Variants in PLCE1 observed in about 807,000 individuals in gnomAD.
The protein encoded by PLCE1 is phospholipase C epsilon 1.
Under a neutral mutation model 242.8 loss-of-function variants are expected in PLCE1, and 119 were observed. The ratio of observed to expected loss-of-function variants is 0.49; its 90% CI spans 0.42 to 0.57. The LOEUF (loss-of-function observed/expected upper bound fraction) is 0.57. Among genes scored for constraint, PLCE1 ranks in the 20% least tolerant of loss-of-function variants. The probability of loss-of-function intolerance (pLI) is 0.00; values close to 1 mark genes in which losing one functional copy is unlikely to be tolerated. For synonymous variants in PLCE1, 945 were observed against 1,017.4 expected, an observed-to-expected ratio of 0.93 and a Z score of 1.35; for missense variants, 2,441 against 2,788.8, an observed-to-expected ratio of 0.88 and a Z score of 2.81.
Position 94,132,184 on chromosome 10 carries a change from C to A in PLCE1, c.1217C>A (p.Ala406Glu). 1 of 1,613,924 alleles carries A rather than the reference C, an allele frequency of 6.2e-7. No homozygotes were observed. Among genetic ancestry groups the A allele is most frequent in the Admixed American group, 1.7e-5 (1 of 60,030 alleles). Reference protein sequence around the residue: ...SEAQWYPIYNAVRREETENTV... With the variant: ...SEAQWYPIYNEVRREETENTV... ...TTGTGCTATTCACAGATCTACAATG[C>A]AGTGAGAAGAGAAGAAACAGAAAAT... The change falls in exon 3 of 33, where the codon GCA becomes GAA. Residue 406 changes from alanine to glutamate, a missense_variant. By Grantham distance (107) the Ala-to-Glu change is moderately radical (BLOSUM62 -1). This residue lies in a region of PLCE1 where 733 missense variants were observed against 754.2 expected (regional missense o/e 0.97). Coordinates refer to ENST00000371380, the MANE Select transcript of PLCE1 (RefSeq NM_016341.4).
Position 94,246,419 on chromosome 10 carries a change from T to A in PLCE1, c.2894T>A (p.Met965Lys). Residue 965 changes from methionine to lysine, a missense_variant, in exon 8 of 33, where the codon ATG (methionine) becomes AAG (lysine). Physicochemically the swap from Met to Lys is moderately conservative, Grantham distance 95. Coordinates refer to ENST00000371380, the MANE Select transcript of PLCE1 (RefSeq NM_016341.4). Reference protein sequence around the residue: ...TVCVQNKLGSMFLSETGVTLL... With the variant: ...TVCVQNKLGSKFLSETGVTLL... ...TGTGTTCAGAACAAACTGGGTAGCA[T>A]GTTCCTGTCAGAGACTGGTGTGACA... 1 of 1,614,206 alleles carries A rather than the reference T, an allele frequency of 6.2e-7. No individual in the cohort carries two copies. The highest frequency in any genetic ancestry group is 1.1e-5 in the South Asian group (1 of 91,088).
Position 94,316,718 on chromosome 10 carries a change from G to A in PLCE1, c.6304G>A (p.Gly2102Arg). ...TTTAAGCAGCTGGTTTCCAGAAGAG[G>A]GATACATGGGCAGGATTGTCTTAAA... ...QILSSWFPEE[G>R]YMGRIVLKTQ... Residue 2102 changes from glycine (G) to arginine (R), a missense_variant, in exon 29 of 33, where the codon GGA (glycine) becomes AGA (arginine). This residue lies in a region of PLCE1 where 310 missense variants were observed against 317.2 expected (regional missense o/e 0.98). Coordinates refer to ENST00000371380, the MANE Select transcript of PLCE1 (RefSeq NM_016341.4). 1 of 1,613,990 alleles carries A rather than the reference G, an allele frequency of 6.2e-7. No homozygotes were observed. The highest frequency in any genetic ancestry group is 1.1e-5 in the South Asian group (1 of 91,062).
intron 27 of PLCE1, among the ~76,000 whole-genome samples, chr10:94,311,173 C>G (rs567674788): frequency 6.6e-6 from 1 of 152,248 alleles, no homozygotes; most frequent in Non-Finnish European, 1.5e-5. Flanking sequence ...TGGAAGCTCT[C>G]GGAACCCCAT....
chr10:94,161,021 A>T (rs540493887), intron 3 of PLCE1, among the ~76,000 whole-genome samples: 1 of 152,270 alleles, frequency 6.6e-6, no homozygotes, highest in Non-Finnish European at 1.5e-5. Context: ...CTTGTAGTAT[A>T]GTTTGAAGTC....
intron 14 of PLCE1, among the ~76,000 whole-genome samples, chr10:94,263,079 C>G (rs1022473531): frequency 1.3e-5 from 2 of 152,002 alleles, no homozygotes; most frequent in Non-Finnish European, 2.9e-5. Flanking sequence ...ACCATGTTGG[C>G]CAGGATGGTC....
At chr10:94,034,726 G>A (rs534679101) in intron 2 of PLCE1, among the ~76,000 whole-genome samples, 1 of 152,228 alleles carries the variant, frequency 6.6e-6, no homozygotes, top group East Asian at 1.9e-4. Flanking sequence ...CAGGCCCTTT[G>A]AATCAGAATC....
chr10:94,006,051 C>A (rs2061031147), intron 1 of PLCE1, among the ~76,000 whole-genome samples: 1 of 152,140 alleles, frequency 6.6e-6, no homozygotes, highest in South Asian at 2.1e-4. Context: ...TCAGGCATAC[C>A]CGGGTTTGAT....
At chr10:93,997,599 C>T (rs1490236204) in intron 1 of PLCE1, among the ~76,000 whole-genome samples, 2 of 150,506 alleles carry the variant, frequency 1.3e-5, no homozygotes, top group Non-Finnish European at 2.9e-5. Context: ...CTACATTAAC[C>T]TCTGGGCTCA....
At chr10:94,204,795 G>GAAGA (rs2049103514) in intron 4 of PLCE1, among the ~76,000 whole-genome samples, 2 of 87,640 alleles carry the variant, frequency 2.3e-5, no homozygotes, top group Admixed American at 1.1e-4. Flanking sequence ...AGGAAGGAAG[G>GAAGA]AAGGAAGCAA....
chr10:94,136,517 G>A (rs1213324821), intron 3 of PLCE1, among the ~76,000 whole-genome samples: 1 of 152,182 alleles, frequency 6.6e-6, no homozygotes, highest in Non-Finnish European at 1.5e-5. Flanking sequence ...TCTTCTGGAA[G>A]TGGTTATGAT....
At chr10:94,141,578 GGT>G (rs1491445249) in intron 3 of PLCE1, among the ~76,000 whole-genome samples, 11 of 114,380 alleles carry the variant, frequency 9.6e-5, no homozygotes, top group African/African-American at 4.2e-4. Context: ...GCTAAGGGAA[GGT>G]GAAGGGAAGG....
rs536012616 is a variant in PLCE1 at position 94,019,657 on chromosome 10, A to G, written c.-364-11026A>G. Among the ~76,000 whole-genome samples, 359 of 152,330 alleles carry G rather than the reference A, an allele frequency of 2.4e-3. 1 individual carries two copies. Among genetic ancestry groups the G allele is most frequent in the Admixed American group, 6.5e-3 (99 of 15,298 alleles). On this transcript the variant is annotated intron_variant, in intron 1 of 32. Coordinates refer to ENST00000371380, the MANE Select transcript of PLCE1 (RefSeq NM_016341.4). ...GAACACTTGAATTGTGGCTAGCACA[A>G]TGGAAGAACTGAATTTAAAAATTCT...
chr10:94,061,088 C>T (rs978822950), intron 2 of PLCE1, among the ~76,000 whole-genome samples: 7 of 152,076 alleles, frequency 4.6e-5, no homozygotes, highest in African/African-American at 1.4e-4. Flanking sequence ...AGGGGTTCAG[C>T]GAGGAGGAAA....
intron 7 of PLCE1, among the ~76,000 whole-genome samples, chr10:94,242,015 G>A (rs993619871): frequency 6.6e-6 from 1 of 152,164 alleles, no homozygotes; most frequent in African/African-American, 2.4e-5. Flanking sequence ...ATCTAATAGT[G>A]AGGCTCAGAG....
chr10:94,048,403 C>G (rs2043658942), intron 2 of PLCE1, among the ~76,000 whole-genome samples: 1 of 97,354 alleles, frequency 1.0e-5, no homozygotes, highest in Non-Finnish European at 2.2e-5. Flanking sequence ...ACCCTTGCCA[C>G]TATGATGTAC....
At position 94,298,635 on chromosome 10, in the gene PLCE1, G is replaced by A; in HGVS notation, c.5424G>A (p.Gly1808=). 4 of 1,614,124 alleles carry A rather than the reference G, an allele frequency of 2.5e-6. No individual in the cohort carries two copies. The highest frequency in any genetic ancestry group is 3.4e-6 in the Non-Finnish European group (4 of 1,180,018). The change falls in exon 24 of 33, where the codon GGG becomes GGA. Residue 1808 remains glycine (G), a synonymous_variant. Coordinates refer to ENST00000371380, the MANE Select transcript of PLCE1 (RefSeq NM_016341.4). The surrounding 1 kb of genome is among the most constrained non-coding windows in gnomAD (Gnocchi z 5.2). ...NPNPLMFWLH[G]IQLVALNYQT... ...ACCCCCTCATGTTCTGGCTCCATGG[G>A]ATACAGCTTGTGGCACTCAACTACC...
chr10:94,068,896 G>A (rs552422598), intron 2 of PLCE1, among the ~76,000 whole-genome samples: 89 of 152,180 alleles, frequency 5.8e-4, no homozygotes, highest in Non-Finnish European at 1.1e-3. Context: ...TCCTCTACTC[G>A]ACCACAAACT....
chr10:94,187,390 C>T (rs2048516239), intron 4 of PLCE1, among the ~76,000 whole-genome samples: 1 of 152,050 alleles, frequency 6.6e-6, no homozygotes, highest in South Asian at 2.1e-4. Flanking sequence ...AACACATAAG[C>T]CACATGCTAG....
chr10:94,146,571 G>T (rs566836229), intron 3 of PLCE1, among the ~76,000 whole-genome samples: 24 of 152,204 alleles, frequency 1.6e-4, no homozygotes, highest in Admixed American at 1.0e-3. Context: ...AACCTTTAGG[G>T]ACATGAAAAC....
Sources: allele counts gnomAD v4.1 joint callset (sites outside exome capture counted in the v4.1 genomes callset), GRCh38; gene constraint gnomAD v4.1.1; regional missense constraint gnomAD v4.1.1; non-coding constraint Gnocchi (gnomAD v3.1); transcripts MANE v1.5; gene names NCBI Gene and HGNC (gene_info 2026-07-23, HGNC 2026-07-21).